The following LRRC2 variants were observed in gnomAD, a reference collection of about 807,000 sequenced individuals.
LRRC2 encodes the protein leucine rich repeat containing 2, also known as leucine-rich repeat-containing protein 2.
LRRC2 carries 27 observed loss-of-function variants against 40.2 expected under a neutral mutation model. The observed-to-expected ratio is 0.67, with a 90% CI of 0.49 to 0.93. The LOEUF is 0.93. Ranked by LOEUF, LRRC2 falls within the 40% of genes least tolerant of loss-of-function variation. LRRC2 has a pLI of 0.00. For missense variants in LRRC2, 402 were observed against 439.6 expected (o/e 0.91, Z 0.76); for synonymous variants, 147 against 158.9 (o/e 0.92, Z 0.56).
intron 1 of LRRC2, among the ~76,000 whole-genome samples, chr3:46,556,479 A>G (rs59836693): frequency 0.05 from 7,365 of 148,586 alleles, 275 homozygotes; most frequent in South Asian, 0.16. Flanking sequence ...CTGGGCATGG[A>G]TTTTGGGTGG....
At chr3:46,533,736 TC>T (rs1704202751) in intron 4 of LRRC2, among the ~76,000 whole-genome samples, 1 of 135,490 alleles carries the variant, frequency 7.4e-6, no homozygotes, top group African/African-American at 2.8e-5. Context: ...CTTCCTTCCT[TC>T]CTTCCTTCCT....
At chr3:46,539,977 G>A (rs770443863) in intron 3 of LRRC2, among the ~76,000 whole-genome samples, 6 of 152,182 alleles carry the variant, frequency 3.9e-5, no homozygotes, top group Non-Finnish European at 8.8e-5. Flanking sequence ...CAGGTCCCCT[G>A]ACCTCAGAAG....
chr3:46,549,662 C>T (rs894794221), intron 2 of LRRC2, among the ~76,000 whole-genome samples: 1 of 152,192 alleles, frequency 6.6e-6, no homozygotes, highest in Admixed American at 6.5e-5. Flanking sequence ...CAAAGAAAGA[C>T]AGCGTTGAAG....
intron 7 of LRRC2, among the ~76,000 whole-genome samples, chr3:46,525,068 CT>C (rs1364254590): frequency 6.7e-6 from 1 of 148,392 alleles, no homozygotes; most frequent in African/African-American, 2.5e-5. Flanking sequence ...TCTAAATGTA[CT>C]GTAATTCTTT....
intron 3 of LRRC2, among the ~76,000 whole-genome samples, chr3:46,539,412 T>C (rs1348634125): frequency 6.6e-6 from 1 of 152,206 alleles, no homozygotes; most frequent in Non-Finnish European, 1.5e-5. Flanking sequence ...ATTTCAAAAC[T>C]GCCGTGAATT....
rs1703893277 is a variant in LRRC2, at chr3:46,517,872, A to C, written c.*1142T>G. On this transcript the variant is annotated 3_prime_UTR_variant, in exon 9 of 9. Transcript: ENST00000395905. ...GCTATGGGCAGAGTTGTCCTGTGGT[A>C]CCCACAAGGAAGCCTTGCTAGGAAC... The C allele has an allele frequency of 6.6e-6, 1 of 152,300 alleles. No individual in the cohort carries two copies. The highest frequency in any genetic ancestry group is 2.1e-4 in the South Asian group (1 of 4,832). The allele number at this position is 152,300 out of a possible 1,614,324, so 9.4% of individuals were successfully genotyped here.
At chr3:46,520,618 C>T (rs538113425) in intron 8 of LRRC2, among the ~76,000 whole-genome samples, 1 of 152,336 alleles carries the variant, frequency 6.6e-6, no homozygotes, top group South Asian at 2.1e-4. Context: ...CTTCAGACAT[C>T]TACTGATGAG....
In LRRC2 at chr3:46,527,432, G is replaced by T. The variant is rs1373188214; in HGVS notation, c.923C>A (p.Pro308His). ...GGATTTCCGGGCTACTCACTTTAAAGGTGTGGATGAGTCACAAAGGGCAGT... is the reference window on the plus strand; with the variant it reads ...GGATTTCCGGGCTACTCACTTTAAATGTGTGGATGAGTCACAAAGGGCAGT... ...LPTALCDSST[P>H]LKFVSLMDNP... Residue 308 changes from proline to histidine, a missense_variant, in exon 7 of 9, where the codon CCT (proline) becomes CAT (histidine). Physicochemically the swap from Pro to His is moderately conservative, Grantham distance 77 (BLOSUM62 -2). Transcript: ENST00000395905. The T allele has an allele frequency of 5.0e-6, 8 of 1,613,720 alleles. No homozygotes were observed. The highest frequency in any genetic ancestry group is 5.9e-6 in the Non-Finnish European group (7 of 1,179,824).
At chr3:46,530,255 G>A (rs1007468908) in intron 5 of LRRC2, among the ~76,000 whole-genome samples, 3 of 152,074 alleles carry the variant, frequency 2.0e-5, no homozygotes, top group Admixed American at 6.6e-5. Context: ...AATACACTGC[G>A]GCTGCCTTCC....
intron 1 of LRRC2, among the ~76,000 whole-genome samples, chr3:46,554,685 G>C (rs757264297): frequency 6.6e-6 from 1 of 151,724 alleles, no homozygotes. Flanking sequence ...TTACCTAAAG[G>C]AGATTTTTGA....
chr3:46,540,061 G>A (rs956897980), intron 3 of LRRC2, among the ~76,000 whole-genome samples: 6 of 152,212 alleles, frequency 3.9e-5, no homozygotes, highest in African/African-American at 1.4e-4. Flanking sequence ...AAAACTCCAT[G>A]GCAGTTGAAG....
At chr3:46,532,571 C>T (rs570440211) in intron 5 of LRRC2, among the ~76,000 whole-genome samples, 1 of 151,998 alleles carries the variant, frequency 6.6e-6, no homozygotes, top group African/African-American at 2.4e-5. Context: ...CACCACTGCA[C>T]TGCAGCCTGG....
intron 1 of LRRC2, among the ~76,000 whole-genome samples, chr3:46,553,943 T>G (rs1704725296): frequency 6.6e-6 from 1 of 152,200 alleles, no homozygotes; most frequent in Non-Finnish European, 1.5e-5. Flanking sequence ...TTCCCTTCTT[T>G]CCTTTGATTT....
intron 6 of LRRC2, among the ~76,000 whole-genome samples, chr3:46,528,972 C>T (rs1302335367): frequency 6.6e-6 from 1 of 151,962 alleles, no homozygotes; most frequent in African/African-American, 2.4e-5. Flanking sequence ...AAAAAAGTAG[C>T]CAGGCATGAT....
rs749272610 is a variant in LRRC2 at position 46,551,556 on chromosome 3, G to A, written c.36C>T (p.Val12=). The change falls in exon 2 of 9, where the codon GTC becomes GTT. Residue 12 remains valine, a synonymous_variant. Transcript: ENST00000395905. Reference sequence around the variant, plus strand: ...CACGAGTTTCCCACAAGGCTCTGATGACAGAAATGTCGAAGACAACCACTT... The same window carrying A: ...CACGAGTTTCCCACAAGGCTCTGATAACAGAAATGTCGAAGACAACCACTT... ...GHKVVVFDIS[V]IRALWETRVK... 2 of 1,613,888 alleles carry A rather than the reference G, an allele frequency of 1.2e-6. No individual in the cohort carries two copies. Among genetic ancestry groups the A allele is most frequent in the Non-Finnish European group, 1.7e-6 (2 of 1,179,924 alleles).
At chr3:46,538,898 C>G in intron 4 of LRRC2, 147 bp downstream of exon 4, 1 of 762,182 alleles carries the variant, frequency 1.3e-6, no homozygotes, top group East Asian at 2.7e-5. Context: ...AAACAAGCAG[C>G]TCTGGGGAGC....
chr3:46,533,011 G>A (rs1704188571), intron 4 of LRRC2, 102 bp from the exon 5 acceptor site: 4 of 1,190,102 alleles, frequency 3.4e-6, no homozygotes, highest in Admixed American at 2.2e-5. Context: ...ATAATGATGG[G>A]GAAGGAACTA....
chr3:46,551,334 A>T, intron 2 of LRRC2, 133 bp downstream of exon 2: 1 of 1,093,264 alleles, frequency 9.1e-7, no homozygotes, highest in Non-Finnish European at 1.3e-6. Context: ...AAGGCTCTGA[A>T]GTTTAATGAG....
At chr3:46,563,258 T>C (rs1269437610) in intron 1 of LRRC2, among the ~76,000 whole-genome samples, 2 of 152,128 alleles carry the variant, frequency 1.3e-5, no homozygotes, top group African/African-American at 2.4e-5. Context: ...TTCTACTCAA[T>C]AGTGAGAGTC....
Sources: allele counts gnomAD v4.1 joint callset (sites outside exome capture counted in the v4.1 genomes callset), GRCh38; gene constraint gnomAD v4.1.1; transcripts MANE v1.5; gene names NCBI Gene and HGNC (gene_info 2026-07-23, HGNC 2026-07-21).